Variants in SELENOV observed in about 807,000 individuals in gnomAD.
SELENOV encodes selenoprotein V.
A neutral mutation model predicts 21.6 loss-of-function variants in SELENOV; 25 were observed. That is an observed-to-expected ratio of 1.16 (90% CI 0.84 to 1.62). SELENOV has a LOEUF of 1.62. Among genes scored for constraint, SELENOV ranks in the 40% most tolerant of loss-of-function variants. The probability of loss-of-function intolerance (pLI) is 0.00; values close to 1 mark genes in which losing one functional copy is unlikely to be tolerated. For missense variants in SELENOV, 472 were observed against 459.0 expected, an observed-to-expected ratio of 1.03 and a Z score of -0.26; for synonymous variants, 227 against 216.9, an observed-to-expected ratio of 1.05 and a Z score of -0.41.
rs1352704920 is a variant in SELENOV, at chr19:39,516,179, G to A, written c.809+158G>A. 7 of 717,442 alleles carry A rather than the reference G, an allele frequency of 9.8e-6. No homozygotes were observed. In the East Asian group the frequency reaches 1.9e-4, roughly 19 times the overall value. 44.4% of individuals were successfully genotyped at this position (717,442 alleles called of 1,614,324 possible). On this transcript the variant is annotated intron_variant, in intron 1 of 5. Transcript: ENST00000335426. ...GTTCCCAGATTGGAAACCCGCTCTTGTCTCTCATTCTCTTTGGGGCAGGAG... is the reference window on the plus strand; with the variant it reads ...GTTCCCAGATTGGAAACCCGCTCTTATCTCTCATTCTCTTTGGGGCAGGAG...
At position 39,518,794 on chromosome 19, in the gene SELENOV, G is replaced by C; in HGVS notation, c.888+1G>C. ...GCAATTTCCGAATCACCTACTCTTT[G>C]TAAGTGTGTGGGGGTCCTGGGGGAG... On this transcript the variant is annotated splice_donor_variant, in intron 3 of 5. Transcript: ENST00000335426. LOFTEE classifies it high-confidence loss of function. The C allele has an allele frequency of 1.2e-6, 2 of 1,613,788 alleles. No homozygotes were observed. The highest frequency in any genetic ancestry group is 8.5e-7 in the Non-Finnish European group (1 of 1,179,736).
At chr19:39,519,847 C>G (rs1172062572) in intron 5 of SELENOV, among the ~76,000 whole-genome samples, 1 of 151,400 alleles carries the variant, frequency 6.6e-6, no homozygotes, top group Non-Finnish European at 1.5e-5. Context: ...TGCCTGTAGT[C>G]CCAGCTACTC....
At chr19:39,516,890 G>T (rs1173559029) in intron 1 of SELENOV, among the ~76,000 whole-genome samples, 1 of 151,916 alleles carries the variant, frequency 6.6e-6, no homozygotes, top group Non-Finnish European at 1.5e-5. Context: ...GTAGAGACGG[G>T]GTTTCACCAT....
intron 5 of SELENOV, among the ~76,000 whole-genome samples, chr19:39,519,598 A>G (rs565952060): frequency 6.6e-6 from 1 of 151,982 alleles, no homozygotes; most frequent in African/African-American, 2.4e-5. Flanking sequence ...CCCAGGAGTT[A>G]GAGGCTGCAA....
intron 1 of SELENOV, 73 bp downstream of exon 1, chr19:39,516,094 G>C (rs1337324850): frequency 1.5e-6 from 2 of 1,345,708 alleles, no homozygotes; most frequent in Non-Finnish European, 2.1e-6. Context: ...CTCCGGGGAC[G>C]TGGAGGTCAG....
At chr19:39,519,168 G>A (rs775345758) in exon 5 of SELENOV, 1 of 1,610,542 alleles carries the variant, frequency 6.2e-7, no homozygotes, top group Non-Finnish European at 8.5e-7. Context: ...GGTGGAGCTG[G>A]AGGTGAGCGT....
chr19:39,519,161 G>A, exon 5 of SELENOV: 2 of 1,612,636 alleles, frequency 1.2e-6, no homozygotes, highest in Non-Finnish European at 1.7e-6. Flanking sequence ...GGCAAGGGGT[G>A]GAGCTGGAGG....
rs574540461 is a variant in SELENOV at position 39,515,883 on chromosome 19, C to G, written c.671C>G (p.Pro224Arg). ...TCGGCCATCGGGCTGGCGGATCCCCCCATTCCCAGTCCTGTCCCCTCGCCC... is the reference window on the plus strand; with the variant it reads ...TCGGCCATCGGGCTGGCGGATCCCCGCATTCCCAGTCCTGTCCCCTCGCCC... The change falls in exon 1 of 6, where the codon CCC becomes CGC. Residue 224 changes from proline (P) to arginine (R), a missense_variant. By Grantham distance (103) the Pro-to-Arg change is moderately radical. Transcript: ENST00000335426. The surrounding 1 kb of genome is among the most constrained non-coding windows in gnomAD (Gnocchi z 5.1). The G allele has an allele frequency of 6.4e-7, 1 of 1,566,412 alleles. No individual in the cohort carries two copies. The highest frequency in any genetic ancestry group is 1.4e-5 in the African/African-American group (1 of 73,676).
chr19:39,517,903 T>C (rs2079705083), intron 1 of SELENOV, among the ~76,000 whole-genome samples: 1 of 136,430 alleles, frequency 7.3e-6, no homozygotes, highest in Non-Finnish European at 1.5e-5. Context: ...GGTGGAAGGT[T>C]GCAGTGAGCC....
At position 39,515,616 on chromosome 19, in the gene SELENOV, G is replaced by C; in HGVS notation, c.404G>C (p.Arg135Pro). 6.5e-7 allele frequency: 1 copy of C among 1,548,350 alleles called. No homozygotes were observed. The highest frequency in any genetic ancestry group is 8.7e-7 in the Non-Finnish European group (1 of 1,146,858). Residue 135 changes from arginine to proline, a missense_variant, in exon 1 of 6, where the codon CGG becomes CCG. Coordinates refer to ENST00000335426, the Ensembl canonical transcript of SELENOV. The surrounding 1 kb of genome is among the most constrained non-coding windows in gnomAD (Gnocchi z 5.1). ...CCAGCCCAGCTCCTGGCAGGGATTC[G>C]GGCCGCGCTCCCCGTCTTGGACTCC...
Position 39,515,392 on chromosome 19 carries a change from G to C in SELENOV, c.180G>C (p.Leu60=). 1 of 1,551,462 alleles carries C rather than the reference G, an allele frequency of 6.4e-7. No homozygotes were observed. The highest frequency in any genetic ancestry group is 8.7e-7 in the Non-Finnish European group (1 of 1,146,922). Residue 60 remains leucine, a synonymous_variant, in exon 1 of 6, where the codon CTG becomes CTC. Coordinates refer to ENST00000335426, the Ensembl canonical transcript of SELENOV. This position sits in a 1 kb window ranked among gnomAD's most constrained non-coding sequence, Gnocchi z 5.1. ...CGTCTCCAGCCGGGACTTCCCCTCT[G>C]GTCCTGACTCCTGCTCCAGCCCAGA...
rs1161858092 is a variant in SELENOV, at chr19:39,515,812, G to A, written c.600G>A (p.Ala200=). 3 of 1,549,902 alleles carry A rather than the reference G, an allele frequency of 1.9e-6. No individual in the cohort carries two copies. The highest frequency in any genetic ancestry group is 2.4e-5 in the South Asian group (2 of 84,032). Reference sequence around the variant, plus strand: ...TTCCCACGCGCACCCCGCTGGCCGCGAACTCACCCGGGCCCACCCTGGACT... The same window carrying A: ...TTCCCACGCGCACCCCGCTGGCCGCAAACTCACCCGGGCCCACCCTGGACT... Residue 200 remains alanine, a synonymous_variant, in exon 1 of 6, where the codon GCG becomes GCA. Coordinates refer to ENST00000335426, the Ensembl canonical transcript of SELENOV. The surrounding 1 kb of genome is among the most constrained non-coding windows in gnomAD (Gnocchi z 5.1).
intron 1 of SELENOV, 123 bp downstream of exon 1, chr19:39,516,144 C>G (rs1269223288): frequency 1.2e-6 from 1 of 840,262 alleles, no homozygotes; most frequent in Non-Finnish European, 2.0e-6. Context: ...GGAAGAGCCC[C>G]AGAGTTCCAG....
chr19:39,515,495 A>G lies in SELENOV; in HGVS notation c.283A>G (p.Thr95Ala), dbSNP rs1191528553. The G allele has an allele frequency of 1.9e-6, 3 of 1,548,646 alleles. No individual in the cohort carries two copies. The highest frequency in any genetic ancestry group is 2.6e-6 in the Non-Finnish European group (3 of 1,146,340). The change falls in exon 1 of 6, where the codon ACT (threonine) becomes GCT (alanine). Residue 95 changes from threonine to alanine, a missense_variant. Physicochemically the swap from Thr to Ala is moderately conservative, Grantham distance 58. Coordinates refer to ENST00000335426, the Ensembl canonical transcript of SELENOV. This position sits in a 1 kb window ranked among gnomAD's most constrained non-coding sequence, Gnocchi z 5.1. Reference sequence around the variant, plus strand: ...GCCTCCTGCTCCGGCCTGGATCCCTACTCCGGTGCCGACTCCCGTTCCCGT... The same window carrying G: ...GCCTCCTGCTCCGGCCTGGATCCCTGCTCCGGTGCCGACTCCCGTTCCCGT...
intron 5 of SELENOV, 31 bp downstream of exon 5, chr19:39,519,201 G>C: frequency 6.7e-7 from 1 of 1,501,328 alleles, no homozygotes. Flanking sequence ...GCTGCGGTGG[G>C]AGGGGTGGAG....
chr19:39,519,068 C>T lies in SELENOV; in HGVS notation c.964-3C>T. 1 of 1,613,722 alleles carries T rather than the reference C, an allele frequency of 6.2e-7. No homozygotes were observed. Among genetic ancestry groups the T allele is most frequent in the Non-Finnish European group, 8.5e-7 (1 of 1,179,810 alleles). ...CTGTGTGCTTTCTTCCCTCTGTGCC[C>T]AGAGGGGTGATGGCTTTGTGAACGA... On this transcript the variant is annotated splice_region_variant and splice_polypyrimidine_tract_variant and intron_variant, in intron 4 of 5. Transcript: ENST00000335426.
Position 39,518,921 on chromosome 19 carries a change from C to T in SELENOV, c.907C>T (p.Gln303Ter), listed in dbSNP as rs780042877. 2.5e-6 allele frequency: 4 copies of T among 1,613,852 alleles called. No individual in the cohort carries two copies. The South Asian group carries it at 3.3e-5, about 13-fold the overall frequency. Residue 303 changes from glutamine (Q) to a stop codon, truncating the protein, a stop_gained, in exon 4 of 6, where the codon CAG (glutamine) becomes TAG (stop). Transcript: ENST00000335426. LOFTEE classifies it high-confidence loss of function. ...CTCCCAGGAGGAGGACAGAGCTGCC[C>T]AGGCTACAGGGGAGTTTGAGGTGTT...
chr19:39,518,974 G>A, exon 4 of SELENOV: 1 of 1,611,856 alleles, frequency 6.2e-7, no homozygotes, highest in Non-Finnish European at 8.5e-7. Context: ...TCCATTCCAA[G>A]AAGGTGATCC....
Position 39,515,281 on chromosome 19 carries a change from C to A in SELENOV, c.69C>A (p.Thr23=), listed in dbSNP as rs2079688143. Residue 23 remains threonine (T), a synonymous_variant, in exon 1 of 6, where the codon ACC becomes ACA. Coordinates refer to ENST00000335426, the Ensembl canonical transcript of SELENOV. This position sits in a 1 kb window ranked among gnomAD's most constrained non-coding sequence, Gnocchi z 5.1. ...CTTCAACCTCAGTCCGGGCTTCTAC[C>A]CCGACCCGGACACCGACTCCACTCC... is the stretch of plus-strand genomic sequence containing the variant. The A allele has an allele frequency of 6.4e-7, 1 of 1,551,060 alleles. No homozygotes were observed. Among genetic ancestry groups the A allele is most frequent in the African/African-American group, 1.4e-5 (1 of 73,010 alleles).
Sources: allele counts gnomAD v4.1 joint callset (sites outside exome capture counted in the v4.1 genomes callset), GRCh38; gene constraint gnomAD v4.1.1; non-coding constraint Gnocchi (gnomAD v3.1); transcripts MANE v1.5; gene names NCBI Gene and HGNC (gene_info 2026-07-23, HGNC 2026-07-21).